Variants in AVEN observed in about 807,000 individuals in gnomAD.
The protein encoded by AVEN is cell death regulator Aven.
A neutral mutation model predicts 38.1 loss-of-function variants in AVEN; 41 were observed. The observed-to-expected ratio is 1.08, with a 90% CI of 0.84 to 1.40. The LOEUF is 1.40. AVEN is among the 40% of genes most tolerant of loss of function. AVEN has a pLI of 0.00. For missense variants in AVEN, 605 were observed against 438.8 expected (o/e 1.38, Z -3.38); for synonymous variants, 206 against 171.8 (o/e 1.20, Z -1.56).
rs760734233 is a variant in AVEN, at chr15:33,888,897, G to A, written c.446-12902C>T. On this transcript the variant is annotated intron_variant, in intron 2 of 5. Coordinates refer to ENST00000306730, the MANE Select transcript of AVEN (RefSeq NM_020371.3). ...TCCCCAAGTAGCTAGGACTACAGGC[G>A]CATGCCACCACGCCCAGCTAAAGTT... Among the ~76,000 whole-genome samples the A allele has an allele frequency of 4.6e-5, 7 of 152,002 alleles. No individual in the cohort carries two copies. In the East Asian group the frequency reaches 9.7e-4, roughly 21 times the overall value.
chr15:34,070,467 G>A (rs1443520041), intron 2 of AVEN, among the ~76,000 whole-genome samples: 1 of 151,214 alleles, frequency 6.6e-6, no homozygotes, highest in Non-Finnish European at 1.5e-5. Flanking sequence ...TTTAGTTTAA[G>A]AAAATATCTA....
chr15:33,862,969 ATTTATCATCAATTCCCATT>A (rs1038546132), downstream of AVEN, among the ~76,000 whole-genome samples: 1 of 152,158 alleles, frequency 6.6e-6, no homozygotes, highest in Non-Finnish European at 1.5e-5. Flanking sequence ...CCTCATGAGT[ATTTATCATCAATTCCCATT>A]AAGAGAATAT....
upstream of AVEN, among the ~76,000 whole-genome samples, chr15:34,043,159 A>G (rs903227628): frequency 6.6e-6 from 1 of 151,556 alleles, no homozygotes; most frequent in Non-Finnish European, 1.5e-5. Flanking sequence ...AGGCAGGAGA[A>G]TGGCGTGAAC....
chr15:33,871,147 C>T, intron 3 of AVEN, 117 bp from the exon 4 acceptor site: 1 of 547,058 alleles, frequency 1.8e-6, no homozygotes, highest in Non-Finnish European at 2.9e-6. Flanking sequence ...ATAAGTCACA[C>T]CATACATCAC....
In AVEN at chr15:33,866,661, A is replaced by C; in HGVS notation, c.1041T>G (p.Asn347Lys). ...MEPEQPSTSK[N>K]VTEEELEDWL... ...AGTCTTCCAGCTCTTCCTCGGTAACATTTTTGGAGGTACTTGGTTGCTCAG... is the reference window on the plus strand; with the variant it reads ...AGTCTTCCAGCTCTTCCTCGGTAACCTTTTTGGAGGTACTTGGTTGCTCAG... Residue 347 changes from asparagine to lysine, a missense_variant, in exon 6 of 6, where the codon AAT becomes AAG. Coordinates refer to ENST00000306730, the MANE Select transcript of AVEN (RefSeq NM_020371.3). 6.2e-7 allele frequency: 1 copy of C among 1,613,988 alleles called. No homozygotes were observed. Among genetic ancestry groups the C allele is most frequent in the Non-Finnish European group, 8.5e-7 (1 of 1,179,950 alleles).
chr15:33,969,908 C>T (rs1261256044), intron 2 of AVEN, among the ~76,000 whole-genome samples: 1 of 151,868 alleles, frequency 6.6e-6, no homozygotes, highest in East Asian at 1.9e-4. Context: ...TAAGAAATTC[C>T]CTAGAAATCA....
chr15:33,941,738 A>T (rs1023920950), intron 2 of AVEN, among the ~76,000 whole-genome samples: 1 of 152,258 alleles, frequency 6.6e-6, no homozygotes, highest in Non-Finnish European at 1.5e-5. Context: ...ACAAAAAAAA[A>T]TAGAACTTAT....
chr15:33,978,621 C>T lies in AVEN; in HGVS notation c.445+24411G>A, dbSNP rs1895997721. Among the ~76,000 whole-genome samples, 3 of 151,930 alleles carry T rather than the reference C, an allele frequency of 2.0e-5. No homozygotes were observed. In the South Asian group the frequency reaches 6.2e-4, roughly 32 times the overall value. ...GAGGTTGCAATTAGCCAAGATTACG[C>T]CACTGCATGCCAGCCTGGGTGACAG... On this transcript the variant is annotated intron_variant, in intron 2 of 5. Coordinates refer to ENST00000306730, the MANE Select transcript of AVEN (RefSeq NM_020371.3).
At chr15:34,022,939 G>A (rs879399652) in intron 1 of AVEN, among the ~76,000 whole-genome samples, 2 of 152,328 alleles carry the variant, frequency 1.3e-5, no homozygotes, top group Admixed American at 6.5e-5. Flanking sequence ...TGTAATCCCA[G>A]CACTTTGGGA....
chr15:33,941,179 A>C (rs1422569026), intron 2 of AVEN, among the ~76,000 whole-genome samples: 1 of 152,186 alleles, frequency 6.6e-6, no homozygotes, highest in South Asian at 2.1e-4. Context: ...TTCTTCACAG[A>C]ATGTTTACTA....
chr15:33,923,261 CAAA>C (rs1275150467), intron 2 of AVEN, among the ~76,000 whole-genome samples: 1 of 152,068 alleles, frequency 6.6e-6, no homozygotes, highest in African/African-American at 2.4e-5. Context: ...TTACAAATTA[CAAA>C]AAGGAGTAAT....
chr15:33,908,912 G>A (rs1007289096), intron 2 of AVEN, among the ~76,000 whole-genome samples: 2 of 152,178 alleles, frequency 1.3e-5, no homozygotes, highest in Non-Finnish European at 2.9e-5. Flanking sequence ...GGTCTAGAGC[G>A]ACAAAGCTGG....
intron 2 of AVEN, among the ~76,000 whole-genome samples, chr15:33,996,606 T>G (rs924225571): frequency 6.6e-6 from 1 of 152,156 alleles, no homozygotes; most frequent in African/African-American, 2.4e-5. Flanking sequence ...GACCTGCAGC[T>G]GAGGGACCTG....
downstream of AVEN, among the ~76,000 whole-genome samples, chr15:33,861,492 T>TTA (rs1786919642): frequency 6.6e-6 from 1 of 151,644 alleles, no homozygotes; most frequent in Non-Finnish European, 1.5e-5. Flanking sequence ...TTTTTTTTTT[T>TTA]AATCCTAAAC....
In AVEN at chr15:34,037,901, T is replaced by C. The variant is rs561746385; in HGVS notation, c.267+879A>G. ...CAAAAAAGAATTTTTTAAATCAGTGTGCATAAGAATGCAGAATATAAAGAT... is the reference window on the plus strand; with the variant it reads ...CAAAAAAGAATTTTTTAAATCAGTGCGCATAAGAATGCAGAATATAAAGAT... On this transcript the variant is annotated intron_variant, in intron 1 of 5. Coordinates refer to ENST00000306730, the MANE Select transcript of AVEN (RefSeq NM_020371.3). Among the ~76,000 whole-genome samples the C allele has an allele frequency of 5.3e-5, 8 of 152,324 alleles. No individual in the cohort carries two copies. The South Asian group carries it at 1.7e-3, about 32-fold the overall frequency.
chr15:33,877,200 TC>T (rs1318066530), intron 2 of AVEN, among the ~76,000 whole-genome samples: 1 of 152,204 alleles, frequency 6.6e-6, no homozygotes, highest in African/African-American at 2.4e-5. Context: ...TGTTTTTTCT[TC>T]TTTTTAAATT....
At chr15:33,972,701 T>C (rs539832380) in intron 2 of AVEN, among the ~76,000 whole-genome samples, 76 of 152,304 alleles carry the variant, frequency 5.0e-4, no homozygotes, top group African/African-American at 1.6e-3. Context: ...CATAGGCATA[T>C]ACAGACCTCT....
intron 2 of AVEN, among the ~76,000 whole-genome samples, chr15:33,900,308 A>ATTT (rs59027472): frequency 1.4e-5 from 2 of 147,770 alleles, no homozygotes; most frequent in African/African-American, 5.0e-5. Context: ...TTGGGAGAAC[A>ATTT]TTTTTTTTTT....
At chr15:34,007,535 C>T (rs899983670) in intron 1 of AVEN, among the ~76,000 whole-genome samples, 2 of 152,164 alleles carry the variant, frequency 1.3e-5, no homozygotes, top group African/African-American at 2.4e-5. Context: ...CATATTTCTA[C>T]CAACAGTATC....
Sources: gnomAD v4.1 joint callset for allele counts (sites outside exome capture counted in the v4.1 genomes callset) on GRCh38, gnomAD v4.1.1 for gene constraint, MANE v1.5 for transcripts, NCBI Gene and HGNC (gene_info 2026-07-23, HGNC 2026-07-21) for gene names.